The following SPG7 variants were observed in gnomAD, a reference collection of about 807,000 sequenced individuals.
SPG7 encodes the protein mitochondrial inner membrane m-AAA protease component paraplegin.
Under a neutral mutation model 81.9 loss-of-function variants are expected in SPG7, and 103 were observed. The ratio of observed to expected loss-of-function variants is 1.26; its 90% confidence interval spans 1.07 to 1.48. The LOEUF is 1.48. Among genes scored for constraint, SPG7 ranks in the 40% most tolerant of loss-of-function variants. SPG7 has a pLI of 0.00. For missense variants in SPG7, 1,241 were observed against 1,087.3 expected (o/e 1.14, Z -1.99); for synonymous variants, 534 against 444.2 (o/e 1.20, Z -2.54).
chr16:89,536,650 C>T (rs528523190), intron 9 of SPG7: 20 of 1,256,230 alleles, frequency 1.6e-5, no homozygotes, highest in African/African-American at 6.6e-5. Context: ...GCGAGGTGGG[C>T]GAGGCAGGCG....
intron 8 of SPG7, among the ~76,000 whole-genome samples, 159 bp downstream of exon 8, chr16:89,532,225 G>A (rs764467034): frequency 1.1e-4 from 16 of 152,252 alleles, no homozygotes; most frequent in Non-Finnish European, 2.1e-4. Context: ...TGTCTGCGAA[G>A]CACATGATGT....
chr16:89,526,617 T>A, intron 5 of SPG7, 149 bp downstream of exon 5: 62 of 737,264 alleles, frequency 8.4e-5, no homozygotes, highest in Middle Eastern at 2.5e-4. Flanking sequence ...TAGAAGTGAA[T>A]GATACAATGC....
chr16:89,537,353 T>C, intron 9 of SPG7: 2 of 1,157,456 alleles, frequency 1.7e-6, no homozygotes, highest in Non-Finnish European at 2.1e-6. Flanking sequence ...AGGTCCCGGC[T>C]CCTGTGCTGG....
At chr16:89,532,160 C>T (rs1597634326) in intron 8 of SPG7, 94 bp downstream of exon 8, 8 of 989,060 alleles carry the variant, frequency 8.1e-6, no homozygotes, top group Non-Finnish European at 9.2e-6. Flanking sequence ...GAAAGGGACA[C>T]GGGTGGGTGG....
chr16:89,530,688 G>C lies in SPG7; in HGVS notation c.867G>C (p.Gln289His), dbSNP rs1480344053. Residue 289 changes from glutamine to histidine, a missense_variant, in exon 7 of 17, where the codon CAG becomes CAC. Physicochemically the swap from Gln to His is conservative, Grantham distance 24. Coordinates refer to ENST00000645818, the MANE Select transcript of SPG7 (RefSeq NM_003119.4). ...ACTTTGTTCTTTCTGCACAGAATCA[G>C]CTTAAAATGGCTCGTTTCACCATTG... is the stretch of plus-strand genomic sequence containing the variant. ...GREGGFSAFN[Q>H]LKMARFTIVD... The C allele has an allele frequency of 3.1e-6, 5 of 1,614,152 alleles. No homozygotes were observed. Among genetic ancestry groups the C allele is most frequent in the Non-Finnish European group, 4.2e-6 (5 of 1,180,036 alleles).
chr16:89,536,272 C>A (rs1173792184), intron 9 of SPG7, among the ~76,000 whole-genome samples: 2 of 121,994 alleles, frequency 1.6e-5, no homozygotes, highest in Admixed American at 8.6e-5. Flanking sequence ...TGCTGTGTGG[C>A]CTTCAGTGTG....
At chr16:89,523,878 G>A (rs746565809) in intron 3 of SPG7, 128 bp from the exon 4 acceptor site, 131 of 1,180,930 alleles carry the variant, frequency 1.1e-4, no homozygotes, top group Non-Finnish European at 1.5e-4. Context: ...ATTGGAGGAA[G>A]TGCAGGATCT....
chr16:89,513,516 CAA>C (rs757056122), intron 3 of SPG7, among the ~76,000 whole-genome samples: 1 of 130,726 alleles, frequency 7.6e-6, no homozygotes. Flanking sequence ...AACTCCATCT[CAA>C]AAAAAAAAAA....
intron 8 of SPG7, among the ~76,000 whole-genome samples, 179 bp from the exon 9 acceptor site, chr16:89,532,284 G>C (rs574172850): frequency 4.6e-5 from 7 of 152,228 alleles, no homozygotes; most frequent in African/African-American, 1.7e-4. Context: ...AGCACGGTGC[G>C]TGTGAACCCT....
In SPG7 at chr16:89,521,926, G is replaced by T. The variant is rs577916948; in HGVS notation, c.377-2080G>T. On this transcript the variant is annotated intron_variant, in intron 3 of 16. Transcript: ENST00000645818. ...CTCTCAGTTTCCCGGGAGCAGTGTG[G>T]GTCGTGATTCTGGATTGGCCCTCCA... 3.8e-4 allele frequency: 58 copies of T among 152,178 alleles called. 1 individual carries two copies. The highest frequency in any genetic ancestry group is 1.4e-3 in the African/African-American group (57 of 41,510). The allele number at this position is 152,178 out of a possible 1,614,324, so 9.4% of individuals were successfully genotyped here. A position where few individuals can be genotyped will look rare whatever the true frequency, so the allele number is the denominator to read the frequency against.
At chr16:89,543,235 C>T (rs899647646) in intron 9 of SPG7, 1 of 151,506 alleles carries the variant, frequency 6.6e-6, no homozygotes, top group African/African-American at 2.4e-5. Context: ...GCGTGAGCCA[C>T]CGCGCCTGGC....
At chr16:89,530,146 T>TG (rs1336604834) in intron 6 of SPG7, 15 of 253,858 alleles carry the variant, frequency 5.9e-5, no homozygotes, top group Non-Finnish European at 9.1e-5. Context: ...GCCTTTCTTT[T>TG]TTGTGTGTGT....
rs1247826778 is a variant in SPG7, at chr16:89,510,387, A to T, written c.184-103A>T. 5 of 705,776 alleles carry T rather than the reference A, an allele frequency of 7.1e-6. No homozygotes were observed. In the Admixed American group the frequency reaches 1.1e-4, roughly 16 times the overall value. The allele number at this position is 705,776 out of a possible 1,614,324, so 43.7% of individuals were successfully genotyped here. On this transcript the variant is annotated intron_variant, in intron 1 of 16. Transcript: ENST00000645818. The stretch of plus-strand genomic sequence containing the variant: ...TTTCAGGGCAATGTAGATATTACAA[A>T]TAATTATATATTTGAACTTTTAAAA...
chr16:89,553,283 A>G (rs2058655291), intron 14 of SPG7, 148 bp downstream of exon 14: 1 of 916,664 alleles, frequency 1.1e-6, no homozygotes, highest in Admixed American at 2.0e-5. Flanking sequence ...TTGTGGTCAT[A>G]AGAGAGTTGG....
In SPG7 at chr16:89,532,036, G is replaced by T; in HGVS notation, c.1120G>T (p.Ala374Ser). The T allele has an allele frequency of 6.2e-7, 1 of 1,613,344 alleles. No individual in the cohort carries two copies. The highest frequency in any genetic ancestry group is 8.5e-7 in the Non-Finnish European group (1 of 1,179,978). The part of the protein sequence containing the change: ...TEAQVPFLAM[A>S]GPEFVEVIGG... The stretch of plus-strand genomic sequence containing the variant: ...GGCTCAGGTGCCCTTCCTGGCGATG[G>T]CCGGCCCAGAGTTCGTGGAGGTCAT... Residue 374 changes from alanine to serine, a missense_variant, in exon 8 of 17, where the codon GCC (alanine) becomes TCC (serine). Ala to Ser is a moderately conservative substitution (Grantham distance 99). Transcript: ENST00000645818.
chr16:89,531,840 C>T, intron 7 of SPG7, 64 bp from the exon 8 acceptor site: 2 of 1,564,888 alleles, frequency 1.3e-6, no homozygotes, highest in Non-Finnish European at 8.8e-7. Context: ...AGAGACCTTA[C>T]CTCTAAAAAA....
In SPG7 at chr16:89,529,690, G is replaced by T. The variant is rs1034315451; in HGVS notation, c.861+111G>T. 4 of 821,826 alleles carry T rather than the reference G, an allele frequency of 4.9e-6. No individual in the cohort carries two copies. In the African/African-American group the frequency reaches 6.8e-5, roughly 14 times the overall value. The allele number at this position is 821,826 out of a possible 1,614,324, so 50.9% of individuals were successfully genotyped here. On this transcript the variant is annotated intron_variant, in intron 6 of 16. Coordinates refer to ENST00000645818, the MANE Select transcript of SPG7 (RefSeq NM_003119.4). The stretch of plus-strand genomic sequence containing the variant: ...CAGGGAAAACCTGTTGCAGAGAGTA[G>T]CCTGAAGCCACAATTAGACAGCAGC...
intron 9 of SPG7, chr16:89,532,922 A>C: frequency 2.3e-6 from 1 of 441,902 alleles, no homozygotes; most frequent in Non-Finnish European, 4.2e-6. Flanking sequence ...CATCTCTACA[A>C]AAATACAAAA....
chr16:89,553,207 C>T, intron 14 of SPG7, 72 bp downstream of exon 14: 3 of 1,409,110 alleles, frequency 2.1e-6, no homozygotes, highest in Non-Finnish European at 2.9e-6. Context: ...TGTTCCAGTG[C>T]ATGCCATGGG....
Sources: allele counts gnomAD v4.1 joint callset (sites outside exome capture counted in the v4.1 genomes callset), GRCh38; gene constraint gnomAD v4.1.1; transcripts MANE v1.5; gene names NCBI Gene and HGNC (gene_info 2026-07-23, HGNC 2026-07-21).